SCAMP1: variants seen among roughly 807,000 people sequenced by gnomAD.
The protein encoded by SCAMP1 is secretory carrier membrane protein 1, also known as secretory carrier-associated membrane protein 1.
SCAMP1 carries 15 observed loss-of-function variants against 41.8 expected under a neutral mutation model. That is an observed-to-expected ratio of 0.36 (90% CI 0.24 to 0.55). The LOEUF (loss-of-function observed/expected upper bound fraction) is 0.55, where lower values mean the gene tolerates loss of function less well. Ranked by LOEUF, SCAMP1 falls within the 20% of genes least tolerant of loss-of-function variation. The pLI, the probability that SCAMP1 is intolerant of heterozygous loss-of-function variation, is 0.86. For missense variants in SCAMP1, 341 were observed against 412.6 expected (o/e 0.83, Z 1.50); for synonymous variants, 135 against 136.8 (o/e 0.99, Z 0.09).
At chr5:78,398,886 C>T (rs1239413385) in intron 2 of SCAMP1, among the ~76,000 whole-genome samples, 1 of 152,060 alleles carries the variant, frequency 6.6e-6, no homozygotes, top group Non-Finnish European at 1.5e-5. Context: ...TGGGTTTGGA[C>T]AAATGTGTAA....
chr5:78,415,740 C>G (rs987549646), intron 3 of SCAMP1, 122 bp downstream of exon 3: 1 of 653,036 alleles, frequency 1.5e-6, no homozygotes, highest in Non-Finnish European at 2.6e-6. Context: ...AACTCACTTT[C>G]AAGTCTGGAT....
At chr5:78,370,613 A>G (rs944577710) in intron 1 of SCAMP1, 3 of 152,146 alleles carry the variant, frequency 2.0e-5, no homozygotes, top group Non-Finnish European at 4.4e-5. Context: ...TTTTTTGTCT[A>G]TTACAGATAA....
At chr5:78,426,741 C>T (rs948793874) in intron 6 of SCAMP1, among the ~76,000 whole-genome samples, 1 of 152,196 alleles carries the variant, frequency 6.6e-6, no homozygotes, top group African/African-American at 2.4e-5. Flanking sequence ...TCCCCTAGCT[C>T]CAGGAAACCA....
chr5:78,456,411 T>C (rs62110220), intron 7 of SCAMP1, among the ~76,000 whole-genome samples: 21 of 152,234 alleles, frequency 1.4e-4, no homozygotes, highest in South Asian at 1.2e-3. Flanking sequence ...ATTTGCTTGT[T>C]TGTAAAGTAT....
intron 6 of SCAMP1, among the ~76,000 whole-genome samples, chr5:78,439,413 A>G (rs977777087): frequency 2.5e-4 from 38 of 150,002 alleles, no homozygotes; most frequent in African/African-American, 8.6e-4. Context: ...AGGCCTAGTG[A>G]TGACAAAATC....
At chr5:78,363,275 C>T (rs1033524680) in intron 1 of SCAMP1, among the ~76,000 whole-genome samples, 2 of 150,022 alleles carry the variant, frequency 1.3e-5, no homozygotes, top group Admixed American at 6.7e-5. Context: ...TGCAGTGGCG[C>T]GATCTCTGCT....
chr5:78,435,716 T>C lies in SCAMP1; in HGVS notation c.632+13756T>C, dbSNP rs567705667. 3.3e-5 allele frequency among the ~76,000 whole-genome samples: 5 copies of C among 152,322 alleles called. No individual in the cohort carries two copies. In the South Asian group the frequency reaches 1.0e-3, roughly 32 times the overall value. ...TGCTTGTGTCTTTATAGTAGCATGATTTGTAATCCTTTGGGTATATAGCCA... is the reference window on the plus strand; with the variant it reads ...TGCTTGTGTCTTTATAGTAGCATGACTTGTAATCCTTTGGGTATATAGCCA... On this transcript the variant is annotated intron_variant, in intron 6 of 8. Transcript: ENST00000621999.
At chr5:78,364,285 A>G (rs747996588) in intron 1 of SCAMP1, among the ~76,000 whole-genome samples, 39 of 152,266 alleles carry the variant, frequency 2.6e-4, no homozygotes, top group Non-Finnish European at 3.2e-4. Context: ...CAGTTTGTTC[A>G]TAAAAGGAAG....
chr5:78,412,076 G>T (rs963845656), intron 2 of SCAMP1, among the ~76,000 whole-genome samples: 1 of 151,828 alleles, frequency 6.6e-6, no homozygotes, highest in African/African-American at 2.4e-5. Context: ...TAAAAATGCA[G>T]TTTTTTTCAG....
At chr5:78,418,447 A>G (rs1752260129) in intron 4 of SCAMP1, among the ~76,000 whole-genome samples, 1 of 152,146 alleles carries the variant, frequency 6.6e-6, no homozygotes, top group East Asian at 1.9e-4. Context: ...TGTGAAATAA[A>G]TCTGTTTTAG....
intron 2 of SCAMP1, among the ~76,000 whole-genome samples, chr5:78,406,140 G>A (rs1225154889): frequency 6.6e-6 from 1 of 152,158 alleles, no homozygotes; most frequent in African/African-American, 2.4e-5. Context: ...GCCTTAGAGG[G>A]GAGTTCTCAA....
At chr5:78,390,657 CTTTTTT>C (rs1003765684) in intron 2 of SCAMP1, among the ~76,000 whole-genome samples, 105 of 137,476 alleles carry the variant, frequency 7.6e-4, no homozygotes, top group African/African-American at 2.7e-3. Flanking sequence ...ATTTTTTTTT[CTTTTTT>C]TTTTTTTTAT....
intron 5 of SCAMP1, among the ~76,000 whole-genome samples, chr5:78,420,554 A>G (rs537849571): frequency 1.3e-5 from 2 of 151,946 alleles, no homozygotes; most frequent in South Asian, 4.1e-4. Flanking sequence ...GTAATGAGTG[A>G]GAGTGTCTCT....
intron 2 of SCAMP1, among the ~76,000 whole-genome samples, chr5:78,400,738 A>G (rs1365652084): frequency 3.9e-5 from 6 of 152,128 alleles, no homozygotes; most frequent in Admixed American, 3.9e-4. Context: ...TAGTTCTAGG[A>G]GGTTTTTGTC....
At position 78,459,381 on chromosome 5, in the gene SCAMP1, C is replaced by G; in HGVS notation, c.852+19C>G. The G allele has an allele frequency of 8.1e-7, 1 of 1,236,492 alleles. No homozygotes were observed. Among genetic ancestry groups the G allele is most frequent in the Non-Finnish European group, 1.2e-6 (1 of 849,584 alleles). 76.6% of individuals were successfully genotyped at this position (1,236,492 alleles called of 1,614,324 possible). A position where few individuals can be genotyped will look rare whatever the true frequency, so the allele number is the denominator to read the frequency against. ...CAAAAAAGTAAGTGAAATTTTATGT[C>G]TAAATTTTTATAGTGAACGTGATGT... is the stretch of plus-strand genomic sequence containing the variant. On this transcript the variant is annotated intron_variant, in intron 8 of 8. Transcript: ENST00000621999.
At chr5:78,414,994 C>T (rs1232679961) in intron 2 of SCAMP1, among the ~76,000 whole-genome samples, 1 of 150,398 alleles carries the variant, frequency 6.6e-6, no homozygotes, top group East Asian at 1.9e-4. Flanking sequence ...TGCTCTGTTG[C>T]CCAGGCTGGA....
intron 8 of SCAMP1, among the ~76,000 whole-genome samples, chr5:78,460,755 T>TCCGTCCGTCCCTTCCTTCCCC (rs1207975167): frequency 4.9e-4 from 12 of 24,284 alleles, no homozygotes; most frequent in African/African-American, 2.7e-3. Flanking sequence ...CTTCCTTCCT[T>TCCGTCCGTCCCTTCCTTCCCC]CCTTCCTTCC....
chr5:78,408,222 T>TG (rs920332909), intron 2 of SCAMP1, among the ~76,000 whole-genome samples: 28 of 152,128 alleles, frequency 1.8e-4, no homozygotes, highest in African/African-American at 6.5e-4. Context: ...CAAAGGCACG[T>TG]GTTACCTGGT....
chr5:78,449,916 C>CT lies in SCAMP1; in HGVS notation c.633-6dup, dbSNP rs761645299. Reference sequence around the variant, plus strand: ...CCCTAACCCCCTTTTTTCTTTCTTTCTTTTTTTTTTTCAAAGGAGTGACAG... The same window carrying CT: ...CCCTAACCCCCTTTTTTCTTTCTTTCTTTTTTTTTTTTCAAAGGAGTGACAG... On this transcript the variant is annotated splice_polypyrimidine_tract_variant and intron_variant, in intron 6 of 8. Transcript: ENST00000621999. 33,679 of 1,022,370 alleles carry CT rather than the reference C, an allele frequency of 0.033. 6 individuals carry two copies. The highest frequency in any genetic ancestry group is 0.037 in the South Asian group (1,869 of 50,362). 63.3% of individuals were successfully genotyped at this position (1,022,370 alleles called of 1,614,324 possible). A position where few individuals can be genotyped will look rare whatever the true frequency, so the allele number is the denominator to read the frequency against.
Sources: gnomAD v4.1 joint callset for allele counts (sites outside exome capture counted in the v4.1 genomes callset) on GRCh38, gnomAD v4.1.1 for gene constraint, MANE v1.5 for transcripts, NCBI Gene and HGNC (gene_info 2026-07-23, HGNC 2026-07-21) for gene names.